The following DMRT1 variants were observed in gnomAD, a reference collection of about 807,000 sequenced individuals.
DMRT1 encodes doublesex- and mab-3-related transcription factor 1.
A neutral mutation model predicts 32.3 loss-of-function variants in DMRT1; 7 were observed. That is an observed-to-expected ratio of 0.22 (90% CI 0.12 to 0.41). The LOEUF is 0.41. DMRT1 is among the 10% of genes least tolerant of loss of function. DMRT1 has a pLI of 1.00. For missense variants in DMRT1, 625 were observed against 500.5 expected, an observed-to-expected ratio of 1.25 and a Z score of -2.37; for synonymous variants, 278 against 206.1, an observed-to-expected ratio of 1.35 and a Z score of -2.99.
intron 2 of DMRT1, among the ~76,000 whole-genome samples, chr9:889,154 C>T (rs1057008255): frequency 6.6e-6 from 1 of 152,096 alleles, no homozygotes; most frequent in Non-Finnish European, 1.5e-5. Context: ...ACACATGTAG[C>T]TTGACAGATA....
Position 874,587 on chromosome 9 carries a change from A to G in DMRT1, c.539-19325A>G, listed in dbSNP as rs148396852. Among the ~76,000 whole-genome samples the G allele has an allele frequency of 1.6e-3, 240 of 152,192 alleles. 7 individuals are homozygous for G. In the East Asian group the frequency reaches 0.042, roughly 27 times the overall value. ...CCATAAACTCCCTGCTCCTAGTTAG[A>G]AAAAGGGCCATGATGCCTGAAAGGA... On this transcript the variant is annotated intron_variant, in intron 2 of 4. Transcript: ENST00000382276.
chr9:921,009 T>A (rs1430013213), intron 4 of DMRT1, among the ~76,000 whole-genome samples: 2 of 152,238 alleles, frequency 1.3e-5, no homozygotes, highest in Non-Finnish European at 2.9e-5. Flanking sequence ...AGTAGCCTAT[T>A]TTTTATTGAG....
At chr9:877,012 G>T (rs542919664) in intron 2 of DMRT1, among the ~76,000 whole-genome samples, 57 of 152,216 alleles carry the variant, frequency 3.7e-4, no homozygotes, top group African/African-American at 1.3e-3. Context: ...CCCACTTCCA[G>T]TTACATGTGT....
At chr9:854,427 G>C (rs1048464204) in intron 2 of DMRT1, among the ~76,000 whole-genome samples, 2 of 152,092 alleles carry the variant, frequency 1.3e-5, no homozygotes, top group Admixed American at 6.6e-5. Flanking sequence ...GGGACTACAG[G>C]CGCATGCAAC....
At chr9:937,378 C>T (rs200422199) in intron 4 of DMRT1, among the ~76,000 whole-genome samples, 40 of 151,680 alleles carry the variant, frequency 2.6e-4, no homozygotes, top group South Asian at 8.4e-4. Context: ...AGAATTGCTG[C>T]GTTAAATGGT....
At chr9:943,159 A>C (rs1419068769) in intron 4 of DMRT1, among the ~76,000 whole-genome samples, 1 of 152,242 alleles carries the variant, frequency 6.6e-6, no homozygotes, top group Non-Finnish European at 1.5e-5. Flanking sequence ...AGAAAAGCCA[A>C]CATAAAATTG....
At chr9:940,025 C>T (rs117017255) in intron 4 of DMRT1, among the ~76,000 whole-genome samples, 4,623 of 151,996 alleles carry the variant, frequency 0.03, 121 homozygotes, top group South Asian at 0.13. Flanking sequence ...CACTTTACAC[C>T]CATTAGAAAG....
At chr9:892,046 C>T (rs888179695) in intron 2 of DMRT1, among the ~76,000 whole-genome samples, 7 of 152,104 alleles carry the variant, frequency 4.6e-5, no homozygotes, top group African/African-American at 1.7e-4. Flanking sequence ...CTTTGGATTT[C>T]TTGTTGCTTG....
Position 965,600 on chromosome 9 carries a change from C to T in DMRT1, c.968-2385C>T, listed in dbSNP as rs925476403. On this transcript the variant is annotated intron_variant, in intron 4 of 4. Coordinates refer to ENST00000382276, the MANE Select transcript of DMRT1 (RefSeq NM_021951.3). The surrounding 1 kb of genome is among the most constrained non-coding windows in gnomAD (Gnocchi z 4.5). Reference sequence around the variant, plus strand: ...GGCTAAATGAGGAGAGGGCATCTCCCGGGGCATCTCCCAGTCAGCTGCTAA... The same window carrying T: ...GGCTAAATGAGGAGAGGGCATCTCCTGGGGCATCTCCCAGTCAGCTGCTAA... Among the ~76,000 whole-genome samples the T allele has an allele frequency of 3.3e-5, 5 of 152,328 alleles. No homozygotes were observed. Among genetic ancestry groups the T allele is most frequent in the South Asian group, 2.1e-4 (1 of 4,828 alleles).
At chr9:893,785 A>G in intron 2 of DMRT1, 127 bp from the exon 3 acceptor site, 3 of 845,416 alleles carry the variant, frequency 3.5e-6, no homozygotes, top group East Asian at 2.6e-5. Context: ...GAGAAGCAAC[A>G]GATGGTTTTG....
Position 905,614 on chromosome 9 carries a change from C to T in DMRT1, c.823-11149C>T, listed in dbSNP as rs77960583. 2.0e-4 allele frequency among the ~76,000 whole-genome samples: 30 copies of T among 152,058 alleles called. No individual in the cohort carries two copies. In the East Asian group the frequency reaches 5.2e-3, roughly 27 times the overall value. ...GTTTGAGTCATTTGTTTGCAAACCC[C>T]GAAGAGGAGTCTTTCATTGCGGTGC... On this transcript the variant is annotated intron_variant, in intron 3 of 4. Coordinates refer to ENST00000382276, the MANE Select transcript of DMRT1 (RefSeq NM_021951.3).
intron 2 of DMRT1, among the ~76,000 whole-genome samples, chr9:887,104 TC>T (rs1245785194): frequency 6.6e-6 from 1 of 152,170 alleles, no homozygotes; most frequent in Admixed American, 6.6e-5. Context: ...GGCAGGAGAA[TC>T]ACTTGAACCT....
At chr9:929,331 T>C (rs958893787) in intron 4 of DMRT1, among the ~76,000 whole-genome samples, 1 of 152,188 alleles carries the variant, frequency 6.6e-6, no homozygotes, top group Non-Finnish European at 1.5e-5. Context: ...AGGATCTCAC[T>C]ATGTTGCCCA....
chr9:877,406 T>G (rs1816549054), intron 2 of DMRT1, among the ~76,000 whole-genome samples: 1 of 152,226 alleles, frequency 6.6e-6, no homozygotes, highest in Non-Finnish European at 1.5e-5. Context: ...AGCAAGTGGC[T>G]AAGCATTTGG....
At chr9:859,911 A>ATG (rs1815579529) in intron 2 of DMRT1, among the ~76,000 whole-genome samples, 4 of 151,886 alleles carry the variant, frequency 2.6e-5, no homozygotes, top group African/African-American at 9.7e-5. Context: ...CATTCAGCAT[A>ATG]TAGTAACAGA....
At chr9:911,788 A>T (rs1170295195) in intron 3 of DMRT1, among the ~76,000 whole-genome samples, 1 of 152,060 alleles carries the variant, frequency 6.6e-6, no homozygotes, top group Admixed American at 6.6e-5. Context: ...CACCGCGCCC[A>T]TCCATGAATT....
At chr9:855,445 C>T (rs1283380350) in intron 2 of DMRT1, among the ~76,000 whole-genome samples, 1 of 152,134 alleles carries the variant, frequency 6.6e-6, no homozygotes, top group African/African-American at 2.4e-5. Context: ...AGTACAGTAC[C>T]TGGCTTTATA....
intron 4 of DMRT1, among the ~76,000 whole-genome samples, chr9:926,897 A>G (rs1337268005): frequency 6.6e-6 from 1 of 152,234 alleles, no homozygotes; most frequent in African/African-American, 2.4e-5. Flanking sequence ...TCTTGTGGGT[A>G]CATCACAAAT....
intron 4 of DMRT1, among the ~76,000 whole-genome samples, chr9:961,874 C>G (rs1399284625): frequency 6.6e-6 from 1 of 152,192 alleles, no homozygotes; most frequent in South Asian, 2.1e-4. Flanking sequence ...CAGTCATCTT[C>G]ACTACTATCT....
Sources: allele counts gnomAD v4.1 joint callset (sites outside exome capture counted in the v4.1 genomes callset), GRCh38; gene constraint gnomAD v4.1.1; non-coding constraint Gnocchi (gnomAD v3.1); transcripts MANE v1.5; gene names NCBI Gene and HGNC (gene_info 2026-07-23, HGNC 2026-07-21).